TOP6BL: variants seen among roughly 807,000 people sequenced by gnomAD.
The protein encoded by TOP6BL is TOP6B like initiator of meiotic double strand breaks, also known as type 2 DNA topoisomerase 6 subunit B-like.
chr11:66,761,776 C>T, the TOP6BL span: 1 of 797,094 alleles, frequency 1.3e-6, no homozygotes, highest in South Asian at 1.3e-5. Flanking sequence ...TCCATTCAAA[C>T]TCGCTGGTGG....
At chr11:66,749,519 C>T in the TOP6BL span, among the ~76,000 whole-genome samples, 1 of 152,082 alleles carries the variant, frequency 6.6e-6, no homozygotes, top group Non-Finnish European at 1.5e-5. Context: ...GAATAGGGGG[C>T]ATTTCTCTTC....
At chr11:66,807,309 C>T in the TOP6BL span, among the ~76,000 whole-genome samples, 7 of 152,106 alleles carry the variant, frequency 4.6e-5, no homozygotes, top group African/African-American at 9.7e-5. Flanking sequence ...TGGTGGCTCA[C>T]GCCTGTAATC....
chr11:66,822,282 A>T, the TOP6BL span, among the ~76,000 whole-genome samples: 1 of 151,068 alleles, frequency 6.6e-6, no homozygotes, highest in Non-Finnish European at 1.5e-5. Flanking sequence ...TTTTTTTCCC[A>T]AATAGTGTGT....
chr11:66,765,938 CTAT>C, the TOP6BL span, among the ~76,000 whole-genome samples: 2 of 152,126 alleles, frequency 1.3e-5, no homozygotes, highest in African/African-American at 2.4e-5. Context: ...GCCTTTTTTA[CTAT>C]TATTATTTAG....
chr11:66,787,438 G>A, the TOP6BL span, among the ~76,000 whole-genome samples: 1 of 151,296 alleles, frequency 6.6e-6, no homozygotes, highest in Non-Finnish European at 1.5e-5. Flanking sequence ...AGGCGCGGTG[G>A]CTCATGTCTG....
At chr11:66,772,201 C>T in the TOP6BL span, among the ~76,000 whole-genome samples, 1 of 152,128 alleles carries the variant, frequency 6.6e-6, no homozygotes, top group Non-Finnish European at 1.5e-5. Context: ...TTAAGAATTT[C>T]ATTTTCCAAC....
the TOP6BL span, among the ~76,000 whole-genome samples, chr11:66,796,594 A>G: frequency 2.6e-5 from 4 of 152,064 alleles, no homozygotes; most frequent in South Asian, 6.2e-4. Flanking sequence ...AGCCAAGGCA[A>G]CATGGTGAGA....
chr11:66,744,899 A>G, the TOP6BL span: 1 of 1,270,222 alleles, frequency 7.9e-7, no homozygotes, highest in South Asian at 3.3e-5. Context: ...CATGGAGGGG[A>G]CGGCCGTGGC....
the TOP6BL span, chr11:66,822,549 T>C: frequency 6.7e-7 from 1 of 1,497,690 alleles, no homozygotes; most frequent in Non-Finnish European, 9.1e-7. Context: ...CCCCCTTACT[T>C]GTTATGTTCC....
At chr11:66,794,134 TAATAA>T in the TOP6BL span, among the ~76,000 whole-genome samples, 5 of 145,942 alleles carry the variant, frequency 3.4e-5, no homozygotes, top group African/African-American at 1.0e-4. Context: ...AAAAAAAAAG[TAATAA>T]AATAAAAATA....
chr11:66,754,133 G>A, the TOP6BL span, among the ~76,000 whole-genome samples: 3 of 152,200 alleles, frequency 2.0e-5, no homozygotes, highest in Admixed American at 2.0e-4. Flanking sequence ...CTCTGCTGTG[G>A]TCTCCATTGT....
At chr11:66,745,750 T>C in the TOP6BL span, among the ~76,000 whole-genome samples, 1 of 152,246 alleles carries the variant, frequency 6.6e-6, no homozygotes, top group Non-Finnish European at 1.5e-5. Context: ...GCCAGTGTTC[T>C]TTTCCCAACT....
the TOP6BL span, among the ~76,000 whole-genome samples, chr11:66,832,191 G>A: frequency 2.7e-5 from 4 of 150,672 alleles, no homozygotes; most frequent in Non-Finnish European, 4.4e-5. Context: ...TCCACCCCCC[G>A]GGTTCACACC....
the TOP6BL span, among the ~76,000 whole-genome samples, chr11:66,809,357 C>A: frequency 6.6e-6 from 1 of 152,158 alleles, no homozygotes; most frequent in Non-Finnish European, 1.5e-5. Context: ...GAAATAAAAT[C>A]ATTACCAACC....
the TOP6BL span, among the ~76,000 whole-genome samples, chr11:66,787,647 G>C: frequency 6.6e-6 from 1 of 150,904 alleles, no homozygotes; most frequent in African/African-American, 2.4e-5. Context: ...TTGAACCCAG[G>C]AGGCGGATGT....
the TOP6BL span, among the ~76,000 whole-genome samples, chr11:66,814,826 C>G: frequency 2.6e-5 from 4 of 152,228 alleles, no homozygotes; most frequent in Admixed American, 6.5e-5. Context: ...TAGTATTAGG[C>G]CTAGGAAGCT....
chr11:66,799,537 C>T, the TOP6BL span, among the ~76,000 whole-genome samples: 1 of 144,572 alleles, frequency 6.9e-6, no homozygotes, highest in African/African-American at 2.6e-5. Flanking sequence ...CATGGCGAAA[C>T]CCCATCTCTA....
chr11:66,812,650 C>T, the TOP6BL span, among the ~76,000 whole-genome samples: 1 of 152,150 alleles, frequency 6.6e-6, no homozygotes, highest in Admixed American at 6.6e-5. Flanking sequence ...TTGTGTTTAC[C>T]CCATAAGAAA....
chr11:66,801,166 G>A, the TOP6BL span: 2 of 1,513,120 alleles, frequency 1.3e-6, no homozygotes, highest in African/African-American at 1.4e-5. Context: ...ACGAATGTGG[G>A]TAGAAATTGG....
Sources: gnomAD v4.1 joint callset for allele counts (sites outside exome capture counted in the v4.1 genomes callset) on GRCh38, gnomAD v4.1.1 for gene constraint, MANE v1.5 for transcripts, NCBI Gene and HGNC (gene_info 2026-07-23, HGNC 2026-07-21) for gene names.